Variants in CCDC12 observed in about 807,000 individuals in gnomAD.
CCDC12 encodes the protein coiled-coil domain containing 12.
CCDC12 carries 28 observed loss-of-function variants against 25.7 expected under a neutral mutation model. The ratio of observed to expected loss-of-function variants is 1.09; its 90% confidence interval spans 0.81 to 1.50. The LOEUF (loss-of-function observed/expected upper bound fraction) is 1.50. CCDC12 is among the 40% of genes most tolerant of loss of function. The pLI is 0.00. For missense variants in CCDC12, 198 were observed against 210.0 expected, an observed-to-expected ratio of 0.94 and a Z score of 0.35; for synonymous variants, 75 against 87.7, an observed-to-expected ratio of 0.86 and a Z score of 0.81.
At chr3:46,966,921 C>T (rs555138909) in intron 1 of CCDC12, among the ~76,000 whole-genome samples, 6 of 152,220 alleles carry the variant, frequency 3.9e-5, no homozygotes, top group South Asian at 2.1e-4. Flanking sequence ...GTCCTCATGC[C>T]GCCCCACCCC....
At chr3:46,925,613 T>G in intron 2 of CCDC12, 78 bp from the exon 3 acceptor site, 1 of 1,205,936 alleles carries the variant, frequency 8.3e-7, no homozygotes, top group Non-Finnish European at 1.2e-6. Flanking sequence ...ACAATTTGCA[T>G]AGCCCGTGAA....
intron 3 of CCDC12, 124 bp downstream of exon 3, chr3:46,925,332 G>A (rs779409171): frequency 1.2e-6 from 1 of 805,910 alleles, no homozygotes; most frequent in South Asian, 1.4e-5. Flanking sequence ...GTAACAAAGG[G>A]TCCTGCCTGC....
intron 2 of CCDC12, among the ~76,000 whole-genome samples, chr3:46,940,246 C>A (rs972909505): frequency 2.0e-5 from 3 of 152,200 alleles, no homozygotes; most frequent in African/African-American, 7.2e-5. Flanking sequence ...GGAGGCAAAG[C>A]AGCATCTGAG....
At chr3:46,941,135 G>A in intron 1 of CCDC12, 70 bp from the exon 2 acceptor site, 7 of 1,485,862 alleles carry the variant, frequency 4.7e-6, no homozygotes, top group Non-Finnish European at 5.6e-6. Context: ...GGCCCAGGGA[G>A]CTAAAGAACA....
intron 2 of CCDC12, among the ~76,000 whole-genome samples, chr3:46,937,839 T>C (rs912347842): frequency 6.6e-6 from 1 of 152,216 alleles, no homozygotes; most frequent in Non-Finnish European, 1.5e-5. Context: ...CTAATCTGCC[T>C]TCCTAAATAA....
In CCDC12 at chr3:46,922,331, G is replaced by A. The variant is rs763268233; in HGVS notation, c.342-19C>T. 3.1e-6 allele frequency: 5 copies of A among 1,614,164 alleles called. No homozygotes were observed. Among genetic ancestry groups the A allele is most frequent in the African/African-American group, 1.3e-5 (1 of 75,072 alleles). On this transcript the variant is annotated intron_variant, in intron 5 of 6. Coordinates refer to ENST00000683445, the MANE Select transcript of CCDC12 (RefSeq NM_001277074.2). ...GAGGTCCCTGGAGCAGGGAGGCAGG[G>A]AGAAGCAGGAAGGTGAAGGCTGGCC...
intron 3 of CCDC12, 78 bp from the exon 4 acceptor site, chr3:46,923,746 C>A (rs2032812727): frequency 8.0e-7 from 1 of 1,254,070 alleles, no homozygotes. Context: ...ACCGTGGCCC[C>A]CAGGGAGAGA....
rs747745532 is a variant in CCDC12 at position 46,925,488 on chromosome 3, T to C, written c.212A>G (p.Lys71Arg). Residue 71 changes from lysine (K) to arginine (R), a missense_variant, in exon 3 of 7, where the codon AAG becomes AGG. By Grantham distance (26) the Lys-to-Arg change is conservative. Transcript: ENST00000683445. ...NYVPEDEDLK[K>R]RRVPQAKPVA... ...CGGTTTGGCCTGGGGCACCCTCCTC[T>C]TCTTCAGGTCCTCATCCTCCGGGAC... is the stretch of plus-strand genomic sequence containing the variant. 5 of 1,609,878 alleles carry C rather than the reference T, an allele frequency of 3.1e-6. No individual in the cohort carries two copies. The highest frequency in any genetic ancestry group is 3.3e-4 in the Middle Eastern group (2 of 6,054).
At chr3:46,952,448 T>TA (rs1305478385) in intron 1 of CCDC12, among the ~76,000 whole-genome samples, 1 of 152,224 alleles carries the variant, frequency 6.6e-6, no homozygotes, top group Non-Finnish European at 1.5e-5. Context: ...CAGTTCTTTC[T>TA]ACCACACATG....
At chr3:46,955,569 G>A (rs2385871) in intron 1 of CCDC12, among the ~76,000 whole-genome samples, 5,497 of 152,216 alleles carry the variant, frequency 0.036, 312 homozygotes, top group African/African-American at 0.12. Flanking sequence ...TAGAAGGAGC[G>A]GGTGTGTCCA....
intron 2 of CCDC12, among the ~76,000 whole-genome samples, chr3:46,932,155 G>C (rs2033253501): frequency 6.6e-6 from 1 of 152,194 alleles, no homozygotes; most frequent in African/African-American, 2.4e-5. Context: ...CCCTGACCCG[G>C]TAACCCTGCT....
chr3:46,970,090 G>A (rs1009184697), intron 1 of CCDC12, among the ~76,000 whole-genome samples: 22 of 151,868 alleles, frequency 1.4e-4, no homozygotes, highest in Admixed American at 1.0e-3. Context: ...ATTTTTTGTG[G>A]AGATGGGGAT....
intron 1 of CCDC12, among the ~76,000 whole-genome samples, chr3:46,967,922 G>A (rs993593780): frequency 6.6e-6 from 1 of 152,178 alleles, no homozygotes; most frequent in Non-Finnish European, 1.5e-5. Flanking sequence ...TGAATTTATA[G>A]GCTATATACC....
chr3:46,974,235 T>A (rs146595614), intron 1 of CCDC12, among the ~76,000 whole-genome samples: 10 of 152,292 alleles, frequency 6.6e-5, no homozygotes, highest in African/African-American at 2.2e-4. Context: ...GAGTTTGGGA[T>A]GATGAAAACG....
At chr3:46,953,488 G>A (rs2034191370) in intron 1 of CCDC12, among the ~76,000 whole-genome samples, 1 of 152,000 alleles carries the variant, frequency 6.6e-6, no homozygotes, top group South Asian at 2.1e-4. Context: ...AATAATAAAA[G>A]TAACCAGAGG....
At chr3:46,933,817 A>G (rs1013068301) in intron 2 of CCDC12, among the ~76,000 whole-genome samples, 2 of 152,274 alleles carry the variant, frequency 1.3e-5, no homozygotes, top group African/African-American at 4.8e-5. Context: ...GACACGGCTC[A>G]TGAAAAAATG....
intron 1 of CCDC12, among the ~76,000 whole-genome samples, chr3:46,952,801 G>C (rs1420244975): frequency 6.6e-6 from 1 of 152,060 alleles, no homozygotes; most frequent in African/African-American, 2.4e-5. Flanking sequence ...ATCTAATAAG[G>C]TCAGCACTCC....
Position 46,963,726 on chromosome 3 carries a change from G to A in CCDC12, c.96+12911C>T, listed in dbSNP as rs565904096. On this transcript the variant is annotated intron_variant, in intron 1 of 6. Coordinates refer to ENST00000683445, the MANE Select transcript of CCDC12 (RefSeq NM_001277074.2). ...GCCAGCCTCGGCCTCCCGAGGTGCC[G>A]GGATTGCAGATGGAGTCTCGTTCAC... Among the ~76,000 whole-genome samples, 1,074 of 152,366 alleles carry A rather than the reference G, an allele frequency of 7.0e-3. 13 individuals are homozygous for A. The highest frequency in any genetic ancestry group is 0.024 in the African/African-American group (1,018 of 41,594).
chr3:46,979,866 C>A, upstream of CCDC12: 1 of 468,928 alleles, frequency 2.1e-6, no homozygotes, highest in Non-Finnish European at 3.8e-6. Flanking sequence ...CGGGCCATGG[C>A]CGCCTCGGAG....
Sources: gnomAD v4.1 joint callset for allele counts (sites outside exome capture counted in the v4.1 genomes callset) on GRCh38, gnomAD v4.1.1 for gene constraint, MANE v1.5 for transcripts, NCBI Gene and HGNC (gene_info 2026-07-23, HGNC 2026-07-21) for gene names.